The following TMEM117 variants were observed in gnomAD, a reference collection of about 807,000 sequenced individuals.
TMEM117 encodes the protein transmembrane protein 117.
In TMEM117, 27 loss-of-function variants were observed where a neutral mutation model predicts 52.4. The ratio of observed to expected loss-of-function variants is 0.51; its 90% CI spans 0.38 to 0.71. TMEM117 has a LOEUF of 0.71. Among genes scored for constraint, TMEM117 ranks in the 30% least tolerant of loss-of-function variants. The pLI is 0.00. For synonymous variants in TMEM117, 215 were observed against 206.3 expected, an observed-to-expected ratio of 1.04 and a Z score of -0.36; for missense variants, 556 against 630.5, an observed-to-expected ratio of 0.88 and a Z score of 1.26.
chr12:43,902,630 AT>A (rs200976640), intron 2 of TMEM117, among the ~76,000 whole-genome samples: 5,869 of 152,230 alleles, frequency 0.039, 144 homozygotes, highest in Middle Eastern at 0.088. Flanking sequence ...CAGACAGACC[AT>A]GGTAGTATCA....
intron 6 of TMEM117, among the ~76,000 whole-genome samples, chr12:44,356,239 A>C (rs972496965): frequency 1.3e-5 from 2 of 152,146 alleles, no homozygotes; most frequent in Admixed American, 6.6e-5. Context: ...ACAATATGAC[A>C]TGTAAAACAG....
the TMEM117 span, among the ~76,000 whole-genome samples, chr12:43,827,681 T>G: frequency 6.6e-6 from 1 of 152,212 alleles, no homozygotes; most frequent in Admixed American, 6.5e-5. Flanking sequence ...GACATATAGA[T>G]GAGGGATAGT....
downstream of TMEM117, among the ~76,000 whole-genome samples, chr12:44,392,189 A>C (rs990215543): frequency 6.6e-6 from 1 of 152,212 alleles, no homozygotes; most frequent in African/African-American, 2.4e-5. Context: ...GTTTAGATGT[A>C]GTATTTATAA....
At chr12:44,326,228 G>A (rs1951194027) in intron 6 of TMEM117, among the ~76,000 whole-genome samples, 1 of 152,064 alleles carries the variant, frequency 6.6e-6, no homozygotes, top group Non-Finnish European at 1.5e-5. Context: ...AAGAACCCTG[G>A]CTTCTGAATG....
At chr12:44,394,066 TC>T (rs1952171769), downstream of TMEM117, among the ~76,000 whole-genome samples, 1 of 152,190 alleles carries the variant, frequency 6.6e-6, no homozygotes. Flanking sequence ...AATGGCCAGT[TC>T]TAGGAAGCAT....
chr12:44,137,488 G>A (rs1367905586), intron 3 of TMEM117, among the ~76,000 whole-genome samples: 1 of 152,214 alleles, frequency 6.6e-6, no homozygotes, highest in East Asian at 1.9e-4. Flanking sequence ...TTGCAGAGTG[G>A]AGGTTCTTCT....
At chr12:44,304,708 G>A (rs1024873502) in intron 6 of TMEM117, among the ~76,000 whole-genome samples, 2 of 152,106 alleles carry the variant, frequency 1.3e-5, no homozygotes, top group Non-Finnish European at 2.9e-5. Context: ...AACATTTCTG[G>A]GCCAGAAGGG....
chr12:43,917,186 A>T (rs1413934542), intron 2 of TMEM117, among the ~76,000 whole-genome samples: 1 of 144,680 alleles, frequency 6.9e-6, no homozygotes, highest in Non-Finnish European at 1.5e-5. Flanking sequence ...TGAGGCCAGG[A>T]GTTTAAGACC....
At chr12:44,208,768 C>A (rs550244801) in intron 4 of TMEM117, among the ~76,000 whole-genome samples, 32 of 103,372 alleles carry the variant, frequency 3.1e-4, no homozygotes, top group African/African-American at 1.2e-3. Context: ...AACCATTTTC[C>A]TGAGAAAATG....
chr12:44,198,611 T>C (rs1162279977), intron 4 of TMEM117, among the ~76,000 whole-genome samples: 1 of 152,142 alleles, frequency 6.6e-6, no homozygotes, highest in Non-Finnish European at 1.5e-5. Context: ...CAAGAGGGTA[T>C]AAAAAGATTT....
chr12:44,363,327 T>C (rs140934021), intron 6 of TMEM117, among the ~76,000 whole-genome samples: 38 of 152,306 alleles, frequency 2.5e-4, no homozygotes, highest in African/African-American at 8.7e-4. Flanking sequence ...CTACTACATG[T>C]GGGAGATCAT....
upstream of TMEM117, among the ~76,000 whole-genome samples, chr12:43,834,784 T>TATA (rs201689058): frequency 1.7e-4 from 26 of 152,226 alleles, no homozygotes; most frequent in African/African-American, 6.0e-4. Context: ...AGAGGCATAT[T>TATA]TATATATATC....
intron 1 of TMEM117, among the ~76,000 whole-genome samples, chr12:43,839,809 GTTA>G (rs1435902545): frequency 6.6e-6 from 1 of 152,218 alleles, no homozygotes; most frequent in Non-Finnish European, 1.5e-5. Context: ...ATGAATGAAT[GTTA>G]TTATGGAATT....
At position 44,276,759 on chromosome 12, in the gene TMEM117, AT is replaced by A. The variant is rs1950516537; in HGVS notation, c.609-22816del. ...ATGTTATATACCATAAAGATATATA[AT>A]TTTTACTTATCAATCTAAAAGCTAA... On this transcript the variant is annotated intron_variant, in intron 5 of 7. Coordinates refer to ENST00000266534, the MANE Select transcript of TMEM117 (RefSeq NM_032256.3). Among the ~76,000 whole-genome samples, 7 of 152,132 alleles carry A rather than the reference AT, an allele frequency of 4.6e-5. No homozygotes were observed. In the South Asian group the frequency reaches 1.2e-3, roughly 27 times the overall value.
intron 5 of TMEM117, among the ~76,000 whole-genome samples, chr12:44,224,776 A>G (rs1245468808): frequency 6.6e-6 from 1 of 152,134 alleles, no homozygotes; most frequent in East Asian, 1.9e-4. Context: ...AGATTTTGCT[A>G]TAAGAAATCA....
At chr12:44,373,012 G>C (rs1951885503) in intron 6 of TMEM117, among the ~76,000 whole-genome samples, 1 of 152,122 alleles carries the variant, frequency 6.6e-6, no homozygotes, top group South Asian at 2.1e-4. Flanking sequence ...AGTAAAAAAT[G>C]GGCTAATAAT....
rs925432150 is a variant in TMEM117 at position 44,053,347 on chromosome 12, A to C, written c.411-90178A>C. On this transcript the variant is annotated intron_variant, in intron 3 of 7. Transcript: ENST00000266534. ...AGGTTACAAATGACCAGCCAGATGA[A>C]GAGATACTCAGCGCAGCAAGGTCTG... 1.3e-4 allele frequency among the ~76,000 whole-genome samples: 20 copies of C among 152,344 alleles called. 1 individual carries two copies. Among genetic ancestry groups the C allele is most frequent in the Admixed American group, 1.2e-3 (18 of 15,298 alleles).
intron 5 of TMEM117, among the ~76,000 whole-genome samples, chr12:44,230,637 A>G (rs1949920287): frequency 6.6e-6 from 1 of 152,056 alleles, no homozygotes; most frequent in Non-Finnish European, 1.5e-5. Flanking sequence ...AATGTCTTAA[A>G]CACAAATTTT....
rs571578809 is a variant in TMEM117, at chr12:43,844,070, TCA to T, written c.-28-550_-28-549del. Among the ~76,000 whole-genome samples, 13 of 152,350 alleles carry T rather than the reference TCA, an allele frequency of 8.5e-5. No homozygotes were observed. In the South Asian group the frequency reaches 2.5e-3, roughly 29 times the overall value. ...AAAAGAGGAGGCCGAGTATGGTGGCTCACACCTGTAATCCCAGCACTTTGGGA... is the reference window on the plus strand; with the variant it reads ...AAAAGAGGAGGCCGAGTATGGTGGCTCACCTGTAATCCCAGCACTTTGGGA... On this transcript the variant is annotated intron_variant, in intron 1 of 7. Coordinates refer to ENST00000266534, the MANE Select transcript of TMEM117 (RefSeq NM_032256.3).
Sources: allele counts gnomAD v4.1 joint callset (sites outside exome capture counted in the v4.1 genomes callset), GRCh38; gene constraint gnomAD v4.1.1; transcripts MANE v1.5; gene names NCBI Gene and HGNC (gene_info 2026-07-23, HGNC 2026-07-21).